TOP2B: variants seen among roughly 807,000 people sequenced by gnomAD.
The protein encoded by TOP2B is DNA topoisomerase 2-beta.
A neutral mutation model predicts 193.5 loss-of-function variants in TOP2B; 51 were observed. That is an observed-to-expected ratio of 0.26 (90% CI 0.21 to 0.33). TOP2B has a LOEUF of 0.33. TOP2B is among the 10% of genes least tolerant of loss of function. The pLI is 1.00. For missense variants in TOP2B, 1,378 were observed against 1,909.3 expected (o/e 0.72, Z 5.19); for synonymous variants, 634 against 635.7 (o/e 1.00, Z 0.04).
chr3:25,648,915 T>A (rs1703496381), intron 1 of TOP2B, among the ~76,000 whole-genome samples: 1 of 152,068 alleles, frequency 6.6e-6, no homozygotes, highest in South Asian at 2.1e-4. Context: ...TGGAAATATA[T>A]TGTCATACAA....
chr3:25,602,943 G>A (rs1049744869), intron 33 of TOP2B, among the ~76,000 whole-genome samples: 10 of 152,210 alleles, frequency 6.6e-5, no homozygotes, highest in Middle Eastern at 3.4e-3. Context: ...ATTATATTTC[G>A]TAAGGGAGGC....
Position 25,601,157 on chromosome 3 carries a change from C to G in TOP2B, c.4558G>C (p.Val1520Leu), listed in dbSNP as rs1473075676. ...APKQKKVVEA[V>L]NSDSDSEFGI... is the part of the protein sequence containing the mutation. The stretch of plus-strand genomic sequence containing the variant: ...AATTCTGAATCCGAGTCAGAGTTTA[C>G]AGCCTCTACTACTTTCTTCTGTTTT... The change falls in exon 34 of 36, where the codon GTA becomes CTA. Residue 1520 changes from valine to leucine, a missense_variant. Physicochemically the swap from Val to Leu is conservative, Grantham distance 32. This residue lies in a region of TOP2B where 556 missense variants were observed against 584.2 expected (regional missense o/e 0.95). Transcript: ENST00000264331. 51 of 1,613,652 alleles carry G rather than the reference C, an allele frequency of 3.2e-5. No homozygotes were observed. The highest frequency in any genetic ancestry group is 4.3e-5 in the Non-Finnish European group (51 of 1,179,732).
rs1194112676 is a variant in TOP2B at position 25,612,628 on chromosome 3, C to T, written c.3673G>A (p.Val1225Met). 4.3e-6 allele frequency: 7 copies of T among 1,613,642 alleles called. No individual in the cohort carries two copies. Among genetic ancestry groups the T allele is most frequent in the Non-Finnish European group, 5.9e-6 (7 of 1,179,824 alleles). The change falls in exon 28 of 36, where the codon GTG (valine) becomes ATG (methionine). Residue 1225 changes from valine (V) to methionine (M), a missense_variant. Val to Met is a conservative substitution (Grantham distance 21). This residue lies in a region of TOP2B where 556 missense variants were observed against 584.2 expected (regional missense o/e 0.95). Coordinates refer to ENST00000264331, the MANE Select transcript of TOP2B (RefSeq NM_001330700.2). ...GTCTCTTCCAACTGGAGTTTCTTCA[C>T]CTTAGGTTTGCCAACTTTACCTTTA... ...AIKGKVGKPK[V>M]KKLQLEETMP...
intron 27 of TOP2B, among the ~76,000 whole-genome samples, chr3:25,613,701 C>T (rs1702437115): frequency 6.6e-6 from 1 of 151,536 alleles, no homozygotes; most frequent in Non-Finnish European, 1.5e-5. Flanking sequence ...GCACTCCAGC[C>T]TGGGTGACAG....
intron 10 of TOP2B, among the ~76,000 whole-genome samples, 152 bp from the exon 11 acceptor site, chr3:25,631,091 A>C (rs1383698831): frequency 6.6e-6 from 1 of 152,176 alleles, no homozygotes; most frequent in African/African-American, 2.4e-5. Context: ...GATACATGCT[A>C]ATCAGCTTTT....
At chr3:25,618,970 A>G in intron 23 of TOP2B, 121 bp from the exon 24 acceptor site, 1 of 661,798 alleles carries the variant, frequency 1.5e-6, no homozygotes, top group Admixed American at 3.7e-5. Flanking sequence ...GTGTGAACAC[A>G]GACTACCCCT....
chr3:25,604,952 T>TC, intron 32 of TOP2B, 82 bp from the exon 33 acceptor site: 1 of 899,092 alleles, frequency 1.1e-6, no homozygotes, highest in Non-Finnish European at 1.8e-6. Context: ...ACTGATGACT[T>TC]CCCTTTAGCT....
chr3:25,647,640 C>T (rs1363312347), intron 1 of TOP2B, among the ~76,000 whole-genome samples: 1 of 151,502 alleles, frequency 6.6e-6, no homozygotes, highest in Non-Finnish European at 1.5e-5. Context: ...GGAGTAAAAC[C>T]TTACCTCATG....
chr3:25,606,145 C>G, intron 31 of TOP2B, 23 bp from the exon 32 acceptor site: 1 of 1,148,258 alleles, frequency 8.7e-7, no homozygotes, highest in Non-Finnish European at 1.2e-6. Flanking sequence ...AAATAAACAC[C>G]ACAGAGGATA....
chr3:25,654,840 T>C (rs1703699682), intron 1 of TOP2B, among the ~76,000 whole-genome samples: 1 of 152,168 alleles, frequency 6.6e-6, no homozygotes, highest in Non-Finnish European at 1.5e-5. Context: ...CTTCAACAAA[T>C]GGTGCTGGGA....
intron 10 of TOP2B, 82 bp from the exon 11 acceptor site, chr3:25,631,021 C>T: frequency 8.1e-7 from 1 of 1,230,446 alleles, no homozygotes; most frequent in Non-Finnish European, 1.1e-6. Flanking sequence ...AATGCAAGAC[C>T]TGGAATCTGT....
chr3:25,623,865 A>G (rs1702727411), intron 20 of TOP2B, 119 bp from the exon 21 acceptor site: 1 of 680,280 alleles, frequency 1.5e-6, no homozygotes, highest in Non-Finnish European at 2.5e-6. Context: ...TGCATTTTTA[A>G]TAATTTTGAT....
chr3:25,643,348 G>A (rs535985609), intron 3 of TOP2B, among the ~76,000 whole-genome samples: 173 of 152,210 alleles, frequency 1.1e-3, no homozygotes, highest in African/African-American at 4.0e-3. Flanking sequence ...CCAACTCAAC[G>A]AATCTGCAAA....
intron 33 of TOP2B, among the ~76,000 whole-genome samples, chr3:25,602,053 T>G (rs1224424157): frequency 6.6e-6 from 1 of 152,116 alleles, no homozygotes; most frequent in African/African-American, 2.4e-5. Flanking sequence ...TTCTGGAATT[T>G]TGAAAAATAG....
chr3:25,604,530 T>C (rs1459851639), intron 33 of TOP2B, among the ~76,000 whole-genome samples: 3 of 152,178 alleles, frequency 2.0e-5, no homozygotes, highest in Non-Finnish European at 4.4e-5. Context: ...TATCTTTAGA[T>C]AGTAATGCAC....
chr3:25,662,336 T>C (rs1319117459), intron 1 of TOP2B, among the ~76,000 whole-genome samples: 1 of 152,184 alleles, frequency 6.6e-6, no homozygotes, highest in East Asian at 1.9e-4. Context: ...CAAACCAGTC[T>C]ATATGATCAA....
chr3:25,606,143 AC>A, intron 31 of TOP2B, 21 bp from the exon 32 acceptor site: 1 of 1,161,482 alleles, frequency 8.6e-7, no homozygotes, highest in Non-Finnish European at 1.2e-6. Context: ...GAAAATAAAC[AC>A]CACAGAGGAT....
chr3:25,629,883 T>C, intron 13 of TOP2B, 146 bp downstream of exon 13: 3 of 833,380 alleles, frequency 3.6e-6, no homozygotes, highest in South Asian at 2.3e-5. Flanking sequence ...ATGTTTCCAC[T>C]AAATGACGTG....
chr3:25,658,354 A>T (rs1703814478), intron 1 of TOP2B, among the ~76,000 whole-genome samples: 1 of 151,980 alleles, frequency 6.6e-6, no homozygotes, highest in Non-Finnish European at 1.5e-5. Flanking sequence ...GCCTTAATTT[A>T]TGTGAACAAA....
Sources: gnomAD v4.1 joint callset for allele counts (sites outside exome capture counted in the v4.1 genomes callset) on GRCh38, gnomAD v4.1.1 for gene constraint, gnomAD v4.1.1 regional missense constraint, MANE v1.5 for transcripts, NCBI Gene and HGNC (gene_info 2026-07-23, HGNC 2026-07-21) for gene names.